Variants in PTPRD observed in about 807,000 individuals in gnomAD.
The protein encoded by PTPRD is receptor-type tyrosine-protein phosphatase delta.
Under a neutral mutation model 214.5 loss-of-function variants are expected in PTPRD, and 34 were observed. That is an observed-to-expected ratio of 0.16 (90% confidence interval 0.12 to 0.21). PTPRD has a LOEUF of 0.21. Among genes scored for constraint, PTPRD ranks in the 10% least tolerant of loss-of-function variants. The pLI, the probability that PTPRD is intolerant of heterozygous loss-of-function variation, is 1.00. For missense variants in PTPRD, 2,545 were observed against 2,398.7 expected (o/e 1.06, Z -1.27); for synonymous variants, 1,128 against 845.7 (o/e 1.33, Z -5.79).
chr9:8,864,744 T>G (rs2098165937), intron 11 of PTPRD, among the ~76,000 whole-genome samples: 1 of 152,180 alleles, frequency 6.6e-6, no homozygotes, highest in South Asian at 2.1e-4. Context: ...TGTCTCCAGA[T>G]CTTGCTTTGT....
chr9:9,268,687 G>C (rs917169772), intron 9 of PTPRD, among the ~76,000 whole-genome samples: 10 of 150,270 alleles, frequency 6.7e-5, no homozygotes, highest in African/African-American at 2.4e-4. Context: ...AGAGAACAGA[G>C]AGCCCAGGAA....
chr9:9,202,034 G>T (rs73641258), intron 9 of PTPRD, among the ~76,000 whole-genome samples: 17,236 of 152,176 alleles, frequency 0.11, 1,184 homozygotes, highest in Admixed American at 0.17. Context: ...TGCAAGAAGT[G>T]CTTGTTTCAA....
intron 9 of PTPRD, among the ~76,000 whole-genome samples, chr9:9,257,114 T>A (rs1370371992): frequency 1.3e-5 from 2 of 151,946 alleles, no homozygotes; most frequent in Non-Finnish European, 2.9e-5. Context: ...GTTGTCAGAC[T>A]GAAAGGGCAC....
At chr9:8,867,366 G>A (rs1292262123) in intron 11 of PTPRD, among the ~76,000 whole-genome samples, 1 of 152,134 alleles carries the variant, frequency 6.6e-6, no homozygotes, top group Non-Finnish European at 1.5e-5. Context: ...CCTTGGCAAA[G>A]ACACAAGGGT....
chr9:10,284,240 TAAC>T (rs1180416404), intron 3 of PTPRD, among the ~76,000 whole-genome samples: 8 of 152,146 alleles, frequency 5.3e-5, no homozygotes, highest in Non-Finnish European at 8.8e-5. Flanking sequence ...ATTAAAAAAT[TAAC>T]AAAAAAATAA....
chr9:10,330,904 A>G (rs2096737272), intron 3 of PTPRD, among the ~76,000 whole-genome samples: 1 of 151,862 alleles, frequency 6.6e-6, no homozygotes. Flanking sequence ...CTTCTCTTGC[A>G]GGTCATCTAT....
At chr9:9,417,684 G>C (rs1889101) in intron 8 of PTPRD, among the ~76,000 whole-genome samples, 26,249 of 151,954 alleles carry the variant, frequency 0.17, 2,822 homozygotes, top group East Asian at 0.44. Context: ...AGTATTTGTA[G>C]TGACATGGGA....
chr9:8,397,966 G>A (rs1011137096), intron 36 of PTPRD, among the ~76,000 whole-genome samples: 1 of 151,988 alleles, frequency 6.6e-6, no homozygotes, highest in African/African-American at 2.4e-5. Flanking sequence ...TGCCCCTGTT[G>A]AAATCTGTAA....
At chr9:9,188,362 A>T (rs2099932965) in intron 9 of PTPRD, among the ~76,000 whole-genome samples, 1 of 152,054 alleles carries the variant, frequency 6.6e-6, no homozygotes, top group Non-Finnish European at 1.5e-5. Flanking sequence ...CTTGGTATGC[A>T]TGTTGTAGAT....
intron 9 of PTPRD, among the ~76,000 whole-genome samples, chr9:9,393,063 G>C: frequency 6.6e-6 from 1 of 152,106 alleles, no homozygotes; most frequent in Non-Finnish European, 1.5e-5. Flanking sequence ...TCAGCTGAAA[G>C]TTTTTCTCTT....
chr9:8,823,128 C>T (rs556908796), intron 11 of PTPRD, among the ~76,000 whole-genome samples: 2 of 152,076 alleles, frequency 1.3e-5, no homozygotes, highest in Non-Finnish European at 2.9e-5. Flanking sequence ...TCTTCTCTCC[C>T]GGTATTCTAC....
At chr9:8,563,871 G>A (rs1338225989) in intron 14 of PTPRD, among the ~76,000 whole-genome samples, 1 of 152,180 alleles carries the variant, frequency 6.6e-6, no homozygotes, top group African/African-American at 2.4e-5. Flanking sequence ...CACCATGTCA[G>A]ACAGGCCAGT....
chr9:10,099,710 C>T (rs900638141), intron 3 of PTPRD, among the ~76,000 whole-genome samples: 3 of 151,408 alleles, frequency 2.0e-5, no homozygotes, highest in African/African-American at 7.3e-5. Flanking sequence ...TCGCTATCAT[C>T]GTATGTTGGG....
At chr9:9,711,187 A>G (rs929353319) in intron 7 of PTPRD, among the ~76,000 whole-genome samples, 2 of 152,194 alleles carry the variant, frequency 1.3e-5, no homozygotes, top group African/African-American at 4.8e-5. Context: ...TTAATGTTTA[A>G]TATTAGAAGT....
At chr9:9,398,572 T>C (rs1014023129) in intron 8 of PTPRD, among the ~76,000 whole-genome samples, 1 of 152,006 alleles carries the variant, frequency 6.6e-6, no homozygotes, top group Non-Finnish European at 1.5e-5. Context: ...CATAGTAATA[T>C]ACCCTATGAA....
chr9:10,596,722 A>C (rs978936456), intron 2 of PTPRD, among the ~76,000 whole-genome samples: 3 of 151,632 alleles, frequency 2.0e-5, no homozygotes, highest in Non-Finnish European at 4.4e-5. Context: ...TGGGAAGTTA[A>C]AGAGAAGAAA....
chr9:8,962,438 T>G (rs942354206), intron 11 of PTPRD, among the ~76,000 whole-genome samples: 3 of 151,896 alleles, frequency 2.0e-5, no homozygotes, highest in Admixed American at 2.0e-4. Flanking sequence ...GGTGGGAAGA[T>G]GGTACTTTGG....
intron 2 of PTPRD, among the ~76,000 whole-genome samples, chr9:10,490,798 C>T (rs1221796497): frequency 6.6e-6 from 1 of 152,126 alleles, no homozygotes; most frequent in African/African-American, 2.4e-5. Flanking sequence ...CTTGATCCTC[C>T]AGGGAACATT....
chr9:8,968,617 C>T (rs2099215597), intron 11 of PTPRD, among the ~76,000 whole-genome samples: 1 of 152,006 alleles, frequency 6.6e-6, no homozygotes, highest in African/African-American at 2.4e-5. Flanking sequence ...TACTACCAAC[C>T]CCATTTTACA....
Sources: allele counts gnomAD v4.1 joint callset (sites outside exome capture counted in the v4.1 genomes callset), GRCh38; gene constraint gnomAD v4.1.1; transcripts MANE v1.5; gene names NCBI Gene and HGNC (gene_info 2026-07-23, HGNC 2026-07-21).